Variants in SPHK1 observed in about 807,000 individuals in gnomAD.
SPHK1 encodes the protein sphingosine kinase 1, also known as SK 1.
Under a neutral mutation model 14.6 loss-of-function variants are expected in SPHK1, and 10 were observed. That is an observed-to-expected ratio of 0.68 (90% CI 0.42 to 1.16). The LOEUF (loss-of-function observed/expected upper bound fraction) is 1.16. SPHK1 is among the 50% of genes most tolerant of loss of function. The probability of loss-of-function intolerance (pLI) is 0.00; values close to 1 mark genes in which losing one functional copy is unlikely to be tolerated. For missense variants in SPHK1, 553 were observed against 525.4 expected, an observed-to-expected ratio of 1.05 and a Z score of -0.51; for synonymous variants, 274 against 224.0, an observed-to-expected ratio of 1.22 and a Z score of -1.99.
chr17:76,383,566 A>G, upstream of SPHK1: 1 of 256,262 alleles, frequency 3.9e-6, no homozygotes, highest in Non-Finnish European at 7.9e-6. Flanking sequence ...GGGGCGCGCG[A>G]GCCCCGCAGC....
Position 76,386,184 on chromosome 17 carries a change from A to AC in SPHK1, c.164-30dup, listed in dbSNP as rs760132873. 3.9e-4 allele frequency: 613 copies of AC among 1,586,696 alleles called. 1 individual carries two copies. The highest frequency in any genetic ancestry group is 4.8e-4 in the Non-Finnish European group (563 of 1,170,224). On this transcript the variant is annotated intron_variant, in intron 3 of 5. Coordinates refer to ENST00000592299, the MANE Select transcript of SPHK1 (RefSeq NM_001142601.2). This position sits in a 1 kb window ranked among gnomAD's most constrained non-coding sequence, Gnocchi z 5.3. ...TTTCGGGAGCATCCCCTGGCAGGGG[A>AC]CCCCCCCAGTCCTGATAGCTGCCGG...
chr17:76,387,787 T>A lies in SPHK1; in HGVS notation c.*201T>A. On this transcript the variant is annotated 3_prime_UTR_variant, in exon 6 of 6. Coordinates refer to ENST00000592299, the MANE Select transcript of SPHK1 (RefSeq NM_001142601.2). This position sits in a 1 kb window ranked among gnomAD's most constrained non-coding sequence, Gnocchi z 4.1. ...CCAGCTGGCTGGGCCCAGCTGCCTA[T>A]GTAAGGCCTTCTAGTTTGTTCTGAG... 1 of 594,608 alleles carries A rather than the reference T, an allele frequency of 1.7e-6. No homozygotes were observed. The allele number at this position is 594,608 out of a possible 1,614,324, so 36.8% of individuals were successfully genotyped here. A position where few individuals can be genotyped will look rare whatever the true frequency, so the allele number is the denominator to read the frequency against.
chr17:76,387,408 C>T lies in SPHK1; in HGVS notation c.977C>T (p.Ala326Val). 1.2e-6 allele frequency: 2 copies of T among 1,613,766 alleles called. No individual in the cohort carries two copies. The highest frequency in any genetic ancestry group is 1.1e-5 in the South Asian group (1 of 91,082). Residue 326 changes from alanine (A) to valine (V), a missense_variant, in exon 6 of 6, where the codon GCC becomes GTC. Coordinates refer to ENST00000592299, the MANE Select transcript of SPHK1 (RefSeq NM_001142601.2). This position sits in a 1 kb window ranked among gnomAD's most constrained non-coding sequence, Gnocchi z 4.1. ...CPYLVYVPVV[A>V]FRLEPKDGKG... ...TACTTGGTATATGTGCCCGTGGTCGCCTTCCGCTTGGAGCCCAAGGATGGG... is the reference window on the plus strand; with the variant it reads ...TACTTGGTATATGTGCCCGTGGTCGTCTTCCGCTTGGAGCCCAAGGATGGG...
intron 1 of SPHK1, 46 bp downstream of exon 1, chr17:76,384,852 G>A (rs960109333): frequency 5.2e-6 from 2 of 384,852 alleles, no homozygotes; most frequent in Non-Finnish European, 9.2e-6. Context: ...GCTCCTGTGC[G>A]GCCCGCCCTC....
rs762819065 is a variant in SPHK1, at chr17:76,387,568, G to A, written c.1137G>A (p.Pro379=). Residue 379 remains proline, a synonymous_variant, in exon 6 of 6, where the codon CCG becomes CCA. Coordinates refer to ENST00000592299, the MANE Select transcript of SPHK1 (RefSeq NM_001142601.2). The surrounding 1 kb of genome is among the most constrained non-coding windows in gnomAD (Gnocchi z 4.1). ...PPSWKPQQMP[P]PEEPL is the part of the protein sequence containing the mutation. ...GCTGGAAGCCCCAGCAGATGCCACC[G>A]CCAGAAGAGCCCTTATGACCCCTGG... The A allele has an allele frequency of 1.9e-5, 31 of 1,596,268 alleles. 1 individual carries two copies. The South Asian group carries it at 2.6e-4, about 13-fold the overall frequency.
rs1385462276 is a variant in SPHK1, at chr17:76,386,186, C to T, written c.164-35C>T. The T allele has an allele frequency of 1.3e-6, 2 of 1,588,804 alleles. No individual in the cohort carries two copies. The highest frequency in any genetic ancestry group is 3.4e-5 in the Admixed American group (2 of 58,904). ...TCGGGAGCATCCCCTGGCAGGGGAC[C>T]CCCCCAGTCCTGATAGCTGCCGGTC... On this transcript the variant is annotated intron_variant, in intron 3 of 5. Transcript: ENST00000592299. This position sits in a 1 kb window ranked among gnomAD's most constrained non-coding sequence, Gnocchi z 5.3.
Position 76,387,108 on chromosome 17 carries a change from C to A in SPHK1, c.677C>A (p.Pro226His), listed in dbSNP as rs779732883. Residue 226 changes from proline to histidine, a missense_variant, in exon 6 of 6, where the codon CCC (proline) becomes CAC (histidine). Transcript: ENST00000592299. This position sits in a 1 kb window ranked among gnomAD's most constrained non-coding sequence, Gnocchi z 4.1. ...GRVGSKTPAS[P>H]VVVQQGPVDA... ...GTGGGTTCCAAGACACCTGCCTCCC[C>A]CGTTGTGGTCCAGCAGGGCCCGGTA... 2 of 1,613,320 alleles carry A rather than the reference C, an allele frequency of 1.2e-6. No homozygotes were observed. Among genetic ancestry groups the A allele is most frequent in the Admixed American group, 3.3e-5 (2 of 60,018 alleles).
chr17:76,385,807 A>C lies in SPHK1; in HGVS notation c.10+153A>C, dbSNP rs1273297761. 7.1e-7 allele frequency: 1 copy of C among 1,402,564 alleles called. No homozygotes were observed. The highest frequency in any genetic ancestry group is 9.7e-7 in the Non-Finnish European group (1 of 1,026,982). The allele number at this position is 1,402,564 out of a possible 1,614,324, so 86.9% of individuals were successfully genotyped here. A position where few individuals can be genotyped will look rare whatever the true frequency, so the allele number is the denominator to read the frequency against. Reference sequence around the variant, plus strand: ...AAGCCGGCCGAATCTGAGCCAAGGAAGGGGGTGGCAGGGGCGCCGCGTCCC... The same window carrying C: ...AAGCCGGCCGAATCTGAGCCAAGGACGGGGGTGGCAGGGGCGCCGCGTCCC... On this transcript the variant is annotated intron_variant, in intron 2 of 5. Coordinates refer to ENST00000592299, the MANE Select transcript of SPHK1 (RefSeq NM_001142601.2). The surrounding 1 kb of genome is among the most constrained non-coding windows in gnomAD (Gnocchi z 5.3).
At position 76,386,672 on chromosome 17, in the gene SPHK1, C is replaced by T; in HGVS notation, c.375-134C>T. On this transcript the variant is annotated intron_variant, in intron 5 of 5. Coordinates refer to ENST00000592299, the MANE Select transcript of SPHK1 (RefSeq NM_001142601.2). The surrounding 1 kb of genome is among the most constrained non-coding windows in gnomAD (Gnocchi z 5.3). ...CCCAGCTGACTGCTTCCATTTGCTC[C>T]ATCTGTCACCTACCAGTCCTGCCAA... The T allele has an allele frequency of 8.3e-7, 1 of 1,201,776 alleles. No homozygotes were observed. Among genetic ancestry groups the T allele is most frequent in the Non-Finnish European group, 1.2e-6 (1 of 865,918 alleles). The allele number at this position is 1,201,776 out of a possible 1,614,324, so 74.4% of individuals were successfully genotyped here.
Position 76,386,047 on chromosome 17 carries a change from G to A in SPHK1, c.73G>A (p.Gly25Ser), listed in dbSNP as rs757722793. The A allele has an allele frequency of 2.5e-6, 4 of 1,608,302 alleles. No individual in the cohort carries two copies. The highest frequency in any genetic ancestry group is 4.5e-5 in the East Asian group (2 of 44,678). The change falls in exon 3 of 6, where the codon GGC (glycine) becomes AGC (serine). Residue 25 changes from glycine (G) to serine (S), a missense_variant. By Grantham distance (56) the Gly-to-Ser change is moderately conservative. Transcript: ENST00000592299. The surrounding 1 kb of genome is among the most constrained non-coding windows in gnomAD (Gnocchi z 5.3). Reference protein sequence around the residue: ...CRVLVLLNPRGGKGKALQLFR... With the variant: ...CRVLVLLNPRSGKGKALQLFR... ...CGTGCTGGTGCTGCTGAACCCGCGC[G>A]GCGGCAAGGGCAAGGCCTTGCAGCT...
rs1418720370 is a variant in SPHK1 at position 76,385,451 on chromosome 17, G to T, written c.-194G>T. The stretch of plus-strand genomic sequence containing the variant: ...GCCAGCGCTGTCTTCTCTCCCTCAG[G>T]TCCAGCCGCCGCAGGGAATGACGCC... On this transcript the variant is annotated splice_region_variant and 5_prime_UTR_variant, in exon 2 of 6. Transcript: ENST00000592299. This position sits in a 1 kb window ranked among gnomAD's most constrained non-coding sequence, Gnocchi z 5.3. The T allele has an allele frequency of 1.3e-6, 2 of 1,542,284 alleles. No homozygotes were observed. The highest frequency in any genetic ancestry group is 1.9e-5 in the Admixed American group (1 of 52,646).
In SPHK1 at chr17:76,386,745, G is replaced by T. The variant is rs1405438355; in HGVS notation, c.375-61G>T. The T allele has an allele frequency of 6.0e-6, 9 of 1,493,946 alleles. No individual in the cohort carries two copies. The South Asian group carries it at 1.2e-4, about 20-fold the overall frequency. 92.5% of individuals were successfully genotyped at this position (1,493,946 alleles called of 1,614,324 possible). ...TTTGCCAGCTCCCACTCCCCGGGAG[G>T]AGGAAGCGGGGGATACATGGGGGCT... On this transcript the variant is annotated intron_variant, in intron 5 of 5. Coordinates refer to ENST00000592299, the MANE Select transcript of SPHK1 (RefSeq NM_001142601.2). The surrounding 1 kb of genome is among the most constrained non-coding windows in gnomAD (Gnocchi z 5.3).
chr17:76,384,972 C>CCGCG, intron 1 of SPHK1, 166 bp downstream of exon 1: 1 of 1,056,416 alleles, frequency 9.5e-7, no homozygotes, highest in African/African-American at 1.7e-5. Context: ...CCCACGAGCG[C>CCGCG]CGCGCGCGTC....
At position 76,387,673 on chromosome 17, in the gene SPHK1, G is replaced by C. The variant is rs1212975663; in HGVS notation, c.*87G>C. 7.1e-7 allele frequency: 1 copy of C among 1,412,636 alleles called. No individual in the cohort carries two copies. Among genetic ancestry groups the C allele is most frequent in the African/African-American group, 1.4e-5 (1 of 69,796 alleles). The allele number at this position is 1,412,636 out of a possible 1,614,324, so 87.5% of individuals were successfully genotyped here. ...GCAGGGCCTGTCCACAGCTCCTGTGGGGGTGGAGGAGACTCCTCTGGAGAA... is the reference window on the plus strand; with the variant it reads ...GCAGGGCCTGTCCACAGCTCCTGTGCGGGTGGAGGAGACTCCTCTGGAGAA... On this transcript the variant is annotated 3_prime_UTR_variant, in exon 6 of 6. Transcript: ENST00000592299. The surrounding 1 kb of genome is among the most constrained non-coding windows in gnomAD (Gnocchi z 4.1).
chr17:76,386,980 G>T lies in SPHK1; in HGVS notation c.549G>T (p.Lys183Asn). 2 of 1,613,730 alleles carry T rather than the reference G, an allele frequency of 1.2e-6. No individual in the cohort carries two copies. Among genetic ancestry groups the T allele is most frequent in the South Asian group, 2.2e-5 (2 of 91,072 alleles). The change falls in exon 6 of 6, where the codon AAG becomes AAT. Residue 183 changes from lysine to asparagine, a missense_variant. Transcript: ENST00000592299. This position sits in a 1 kb window ranked among gnomAD's most constrained non-coding sequence, Gnocchi z 5.3. The stretch of plus-strand genomic sequence containing the variant: ...CTGATGTGGACCTAGAGAGTGAGAA[G>T]TATCGGCGTCTGGGGGAGATGCGCT... ...FIADVDLESE[K>N]YRRLGEMRFT...
chr17:76,384,218 C>T (rs1165045920), upstream of SPHK1: 2 of 154,218 alleles, frequency 1.3e-5, no homozygotes, highest in African/African-American at 2.4e-5. Context: ...CCAAGGGTCC[C>T]CCGGGAGAGC....
chr17:76,387,655 C>G lies in SPHK1; in HGVS notation c.*69C>G. On this transcript the variant is annotated 3_prime_UTR_variant, in exon 6 of 6. Coordinates refer to ENST00000592299, the MANE Select transcript of SPHK1 (RefSeq NM_001142601.2). This position sits in a 1 kb window ranked among gnomAD's most constrained non-coding sequence, Gnocchi z 4.1. Reference sequence around the variant, plus strand: ...TCCTCCTTCCCTAGGGCTGCAGGGCCTGTCCACAGCTCCTGTGGGGGTGGA... The same window carrying G: ...TCCTCCTTCCCTAGGGCTGCAGGGCGTGTCCACAGCTCCTGTGGGGGTGGA... The G allele has an allele frequency of 6.8e-7, 1 of 1,470,472 alleles. No individual in the cohort carries two copies. The highest frequency in any genetic ancestry group is 9.1e-7 in the Non-Finnish European group (1 of 1,103,514). 91.1% of individuals were successfully genotyped at this position (1,470,472 alleles called of 1,614,324 possible).
At position 76,386,940 on chromosome 17, in the gene SPHK1, C is replaced by T. The variant is rs778584925; in HGVS notation, c.509C>T (p.Ala170Val). 6 of 1,613,396 alleles carry T rather than the reference C, an allele frequency of 3.7e-6. No homozygotes were observed. The Admixed American group carries it at 8.3e-5, about 22-fold the overall frequency. Residue 170 changes from alanine (A) to valine (V), a missense_variant, in exon 6 of 6, where the codon GCC becomes GTC. Coordinates refer to ENST00000592299, the MANE Select transcript of SPHK1 (RefSeq NM_001142601.2). The surrounding 1 kb of genome is among the most constrained non-coding windows in gnomAD (Gnocchi z 5.3). ...CGCCTCTTCTCTGTGCTCAGCCTGG[C>T]CTGGGGCTTCATTGCTGATGTGGAC... ...GLRLFSVLSL[A>V]WGFIADVDLE...
At position 76,386,312 on chromosome 17, in the gene SPHK1, C is replaced by T. The variant is rs773369338; in HGVS notation, c.255C>T (p.His85=). 3.4e-5 allele frequency: 55 copies of T among 1,605,334 alleles called. No homozygotes were observed. The highest frequency in any genetic ancestry group is 4.2e-5 in the Non-Finnish European group (49 of 1,179,144). The change falls in exon 4 of 6, where the codon CAC becomes CAT. Residue 85 remains histidine, a synonymous_variant. Transcript: ENST00000592299. The surrounding 1 kb of genome is among the most constrained non-coding windows in gnomAD (Gnocchi z 5.3). ...TCATGTCTGGAGACGGGCTGATGCA[C>T]GAGGTGAGGACCGCACTGCGCGGCT... ...LVVMSGDGLM[H]EVVNGLMERP...
Sources: allele counts gnomAD v4.1 joint callset, GRCh38; gene constraint gnomAD v4.1.1; non-coding constraint Gnocchi (gnomAD v3.1); transcripts MANE v1.5; gene names NCBI Gene and HGNC (gene_info 2026-07-23, HGNC 2026-07-21).